Variants in FAM135B observed in about 807,000 individuals in gnomAD.
FAM135B encodes the protein family with sequence similarity 135 member B.
FAM135B carries 43 observed loss-of-function variants against 127.7 expected under a neutral mutation model. The observed-to-expected ratio is 0.34, with a 90% CI of 0.26 to 0.43. The LOEUF is 0.43. Ranked by LOEUF, FAM135B falls within the 20% of genes least tolerant of loss-of-function variation. The pLI, the probability that FAM135B is intolerant of heterozygous loss-of-function variation, is 1.00. For synonymous variants in FAM135B, 670 were observed against 665.1 expected, an observed-to-expected ratio of 1.01 and a Z score of -0.11; for missense variants, 1,558 against 1,725.6, an observed-to-expected ratio of 0.90 and a Z score of 1.72.
intron 1 of FAM135B, among the ~76,000 whole-genome samples, chr8:138,473,660 G>C (rs1328212489): frequency 1.3e-5 from 2 of 152,144 alleles, no homozygotes; most frequent in Non-Finnish European, 2.9e-5. Flanking sequence ...AGATGCTAAA[G>C]ACAGCTATTG....
chr8:138,237,202 C>G lies in FAM135B; in HGVS notation c.669+5740G>C, dbSNP rs902698029. On this transcript the variant is annotated intron_variant, in intron 7 of 19. Transcript: ENST00000395297. ...TGGAGACAGAGTTTCACTCTGTCACCCAGGCTGGAGTGCAGTGGTACAATC... is the reference window on the plus strand; with the variant it reads ...TGGAGACAGAGTTTCACTCTGTCACGCAGGCTGGAGTGCAGTGGTACAATC... Among the ~76,000 whole-genome samples the G allele has an allele frequency of 3.4e-5, 5 of 147,970 alleles. No individual in the cohort carries two copies. In the East Asian group the frequency reaches 1.0e-3, roughly 30 times the overall value.
intron 7 of FAM135B, among the ~76,000 whole-genome samples, chr8:138,198,664 A>G (rs1290744912): frequency 1.3e-5 from 2 of 152,264 alleles, no homozygotes; most frequent in Non-Finnish European, 2.9e-5. Context: ...TAGAAATAGA[A>G]TGGATTAAAC....
At chr8:138,145,765 C>T (rs949944270) in intron 15 of FAM135B, among the ~76,000 whole-genome samples, 194 bp downstream of exon 15, 3 of 152,228 alleles carry the variant, frequency 2.0e-5, no homozygotes, top group Admixed American at 6.5e-5. Context: ...CACATGTTCT[C>T]ATTTCTTACC....
chr8:138,443,662 G>C (rs192685566), intron 1 of FAM135B, among the ~76,000 whole-genome samples: 1 of 152,156 alleles, frequency 6.6e-6, no homozygotes, highest in African/African-American at 2.4e-5. Context: ...GAATTAGAGA[G>C]CAAACAAATG....
chr8:138,477,127 T>C (rs191776549), intron 1 of FAM135B, among the ~76,000 whole-genome samples: 8 of 152,320 alleles, frequency 5.3e-5, no homozygotes, highest in Admixed American at 2.6e-4. Flanking sequence ...CAAAGGCTCT[T>C]GCTAATGAGG....
intron 2 of FAM135B, 28 bp downstream of exon 2, chr8:138,367,879 A>G: frequency 6.6e-7 from 1 of 1,518,512 alleles, no homozygotes; most frequent in Non-Finnish European, 9.1e-7. Context: ...ACACACACAC[A>G]CACACACAAA....
chr8:138,465,153 G>C (rs1837320369), intron 1 of FAM135B, among the ~76,000 whole-genome samples: 1 of 152,164 alleles, frequency 6.6e-6, no homozygotes, highest in African/African-American at 2.4e-5. Context: ...TCAATGCTGG[G>C]ACCTGATTTA....
chr8:138,131,964 C>T lies in FAM135B; in HGVS notation c.*629G>A, dbSNP rs1816253806. On this transcript the variant is annotated 3_prime_UTR_variant, in exon 20 of 20. Coordinates refer to ENST00000395297, the MANE Select transcript of FAM135B (RefSeq NM_015912.4). ...AAACTTGTATTTACCAATAGTGTCA[C>T]CTTTATCCCTCTTTACCTTAAGTCA... is the stretch of plus-strand genomic sequence containing the variant. 6.5e-6 allele frequency: 1 copy of T among 152,932 alleles called. No homozygotes were observed. Among genetic ancestry groups the T allele is most frequent in the Non-Finnish European group, 1.5e-5 (1 of 68,322 alleles). 9.5% of individuals were successfully genotyped at this position (152,932 alleles called of 1,614,324 possible). A position where few individuals can be genotyped will look rare whatever the true frequency, so the allele number is the denominator to read the frequency against.
At chr8:138,447,765 A>G (rs1836267306) in intron 1 of FAM135B, among the ~76,000 whole-genome samples, 1 of 151,836 alleles carries the variant, frequency 6.6e-6, no homozygotes, top group Non-Finnish European at 1.5e-5. Flanking sequence ...TATGCAACAA[A>G]CCTGCATGTT....
chr8:138,295,677 C>G (rs1825430371), intron 3 of FAM135B, among the ~76,000 whole-genome samples: 1 of 152,134 alleles, frequency 6.6e-6, no homozygotes, highest in Non-Finnish European at 1.5e-5. Context: ...ATGCAAGCAT[C>G]CTATCTTCTC....
intron 7 of FAM135B, among the ~76,000 whole-genome samples, chr8:138,218,604 T>C (rs967729793): frequency 6.6e-6 from 1 of 152,172 alleles, no homozygotes; most frequent in African/African-American, 2.4e-5. Flanking sequence ...AGATGATGTT[T>C]GCAAAAACTG....
chr8:138,331,469 G>A (rs1389144593), intron 2 of FAM135B, among the ~76,000 whole-genome samples: 2 of 152,092 alleles, frequency 1.3e-5, no homozygotes, highest in East Asian at 3.9e-4. Flanking sequence ...CCAGATTATA[G>A]ATGAGGAAAG....
chr8:138,437,814 C>T (rs185074955), intron 1 of FAM135B: 2 of 152,176 alleles, frequency 1.3e-5, no homozygotes, highest in African/African-American at 2.4e-5. Context: ...AACCCAGTGC[C>T]AGGCATAATG....
chr8:138,178,604 C>T lies in FAM135B; in HGVS notation c.960G>A (p.Gln320=), dbSNP rs2130981308. ...AGTGCAGAGTGACTGTGTCCAGGAA[C>T]TGGGTCCACAGAGTCATCATGTGGG... ...LTSHMMTLWT[Q]FLDTVTLHSQ... Residue 320 remains glutamine, a synonymous_variant, in exon 10 of 20, where the codon CAG becomes CAA. Transcript: ENST00000395297. 1 of 1,614,106 alleles carries T rather than the reference C, an allele frequency of 6.2e-7. No homozygotes were observed. Among genetic ancestry groups the T allele is most frequent in the East Asian group, 2.2e-5 (1 of 44,862 alleles).
chr8:138,177,217 G>T, intron 11 of FAM135B, 130 bp downstream of exon 11: 1 of 804,706 alleles, frequency 1.2e-6, no homozygotes. Flanking sequence ...CAGAGGAAAT[G>T]CAGACAGAAA....
chr8:138,352,080 A>G (rs1038000553), intron 2 of FAM135B, among the ~76,000 whole-genome samples: 1 of 152,148 alleles, frequency 6.6e-6, no homozygotes, highest in Non-Finnish European at 1.5e-5. Context: ...ATAATACTCT[A>G]GGTCTAGAAG....
chr8:138,297,222 G>A (rs1392048515), intron 3 of FAM135B, among the ~76,000 whole-genome samples: 1 of 152,220 alleles, frequency 6.6e-6, no homozygotes, highest in Non-Finnish European at 1.5e-5. Context: ...TATAGCACGA[G>A]TCCATGACGG....
At chr8:138,239,846 G>A (rs1820595535) in intron 7 of FAM135B, among the ~76,000 whole-genome samples, 2 of 152,180 alleles carry the variant, frequency 1.3e-5, no homozygotes, top group Non-Finnish European at 2.9e-5. Flanking sequence ...CCTGTCCTTT[G>A]TAGGGACATG....
At chr8:138,315,252 C>T (rs1052466763) in intron 2 of FAM135B, among the ~76,000 whole-genome samples, 1 of 152,208 alleles carries the variant, frequency 6.6e-6, no homozygotes, top group South Asian at 2.1e-4. Flanking sequence ...AAACACAAAT[C>T]AAAACCACAA....
Sources: allele counts gnomAD v4.1 joint callset (sites outside exome capture counted in the v4.1 genomes callset), GRCh38; gene constraint gnomAD v4.1.1; transcripts MANE v1.5; gene names NCBI Gene and HGNC (gene_info 2026-07-23, HGNC 2026-07-21).